HDAC9: variants seen among roughly 807,000 people sequenced by gnomAD.
HDAC9 encodes the protein histone deacetylase 9.
Under a neutral mutation model 139.4 loss-of-function variants are expected in HDAC9, and 41 were observed. The observed-to-expected ratio is 0.29, with a 90% CI of 0.23 to 0.38. The LOEUF (loss-of-function observed/expected upper bound fraction) is 0.38, where lower values mean the gene tolerates loss of function less well. Among genes scored for constraint, HDAC9 ranks in the 10% least tolerant of loss-of-function variants. The pLI is 1.00. For missense variants in HDAC9, 1,147 were observed against 1,297.0 expected, an observed-to-expected ratio of 0.88 and a Z score of 1.78; for synonymous variants, 517 against 476.2, an observed-to-expected ratio of 1.09 and a Z score of -1.12.
intron 6 of HDAC9, among the ~76,000 whole-genome samples, chr7:18,595,565 AGTGAATGGCATTCAAG>A (rs767867692): frequency 5.9e-5 from 9 of 152,092 alleles, no homozygotes; most frequent in Non-Finnish European, 1.0e-4. Context: ...GTCTTAGGGC[AGTGAATGGCATTCAAG>A]AATCTAAGGA....
At chr7:18,165,572 A>G (rs1787946358) in intron 2 of HDAC9, among the ~76,000 whole-genome samples, 1 of 152,092 alleles carries the variant, frequency 6.6e-6, no homozygotes, top group Non-Finnish European at 1.5e-5. Flanking sequence ...AGATTGCTTG[A>G]GCCCCGGGGT....
At chr7:18,328,747 G>A (rs984207449) in intron 1 of HDAC9, among the ~76,000 whole-genome samples, 2 of 151,838 alleles carry the variant, frequency 1.3e-5, no homozygotes, top group Non-Finnish European at 2.9e-5. Flanking sequence ...AGGAATATTG[G>A]CCTGTAGTTT....
intron 22 of HDAC9, among the ~76,000 whole-genome samples, chr7:18,908,668 A>T (rs78748367): frequency 0.049 from 7,379 of 151,948 alleles, 257 homozygotes; most frequent in South Asian, 0.13. Context: ...TGCCTGCATT[A>T]TTTTACTTAA....
intron 21 of HDAC9, among the ~76,000 whole-genome samples, chr7:18,860,291 T>C (rs902214086): frequency 6.6e-6 from 1 of 152,028 alleles, no homozygotes; most frequent in Non-Finnish European, 1.5e-5. Context: ...GAAAAAAAAA[T>C]CAGCCTTTCC....
At chr7:18,983,097 T>A (rs1350709098) in intron 25 of HDAC9, among the ~76,000 whole-genome samples, 1 of 152,176 alleles carries the variant, frequency 6.6e-6, no homozygotes, top group Non-Finnish European at 1.5e-5. Context: ...GACCAGCTCC[T>A]TCATCTTCCC....
At chr7:18,157,992 T>C (rs1423650045) in intron 1 of HDAC9, among the ~76,000 whole-genome samples, 1 of 152,140 alleles carries the variant, frequency 6.6e-6, no homozygotes, top group Non-Finnish European at 1.5e-5. Flanking sequence ...AATGTCTCAA[T>C]TTGAGAAGAG....
chr7:18,987,578 T>G (rs1028739143), intron 25 of HDAC9, among the ~76,000 whole-genome samples: 2 of 152,248 alleles, frequency 1.3e-5, no homozygotes, highest in Non-Finnish European at 2.9e-5. Context: ...GATGCTGGCC[T>G]CATAAAATGA....
chr7:18,374,444 C>G (rs937429414), intron 1 of HDAC9, among the ~76,000 whole-genome samples: 1 of 151,908 alleles, frequency 6.6e-6, no homozygotes, highest in Non-Finnish European at 1.5e-5. Context: ...CACACCTAGG[C>G]TATATGGTAT....
At chr7:18,376,866 T>C (rs1357849593) in intron 1 of HDAC9, among the ~76,000 whole-genome samples, 1 of 152,222 alleles carries the variant, frequency 6.6e-6, no homozygotes, top group Non-Finnish European at 1.5e-5. Flanking sequence ...CCATCCAGTT[T>C]ATGGTATTTT....
intron 1 of HDAC9, among the ~76,000 whole-genome samples, chr7:18,139,121 C>CTTTTTTTT (rs552350047): frequency 9.4e-6 from 1 of 105,916 alleles, no homozygotes; most frequent in Non-Finnish European, 1.9e-5. Flanking sequence ...ATAATCTGGA[C>CTTTTTTTT]TTTTTTTTTT....
intron 16 of HDAC9, among the ~76,000 whole-genome samples, chr7:18,792,295 T>C (rs1407228064): frequency 6.6e-6 from 1 of 151,516 alleles, no homozygotes; most frequent in Non-Finnish European, 1.5e-5. Flanking sequence ...CTTTGTTTTA[T>C]GCAGAATTTC....
chr7:18,832,459 G>C (rs905481320), intron 19 of HDAC9, among the ~76,000 whole-genome samples: 1 of 152,252 alleles, frequency 6.6e-6, no homozygotes, highest in East Asian at 1.9e-4. Flanking sequence ...TCCTTGTACA[G>C]CATCAATGTT....
At position 19,000,553 on chromosome 7, in the gene HDAC9, G is replaced by A. The variant is rs1278058421; in HGVS notation, c.*4491G>A. ...ATGATATTCCTGGCTTCGTATAATGGTTTTGTAAAATACATTAAATACAAT... is the reference window on the plus strand; with the variant it reads ...ATGATATTCCTGGCTTCGTATAATGATTTTGTAAAATACATTAAATACAAT... On this transcript the variant is annotated 3_prime_UTR_variant, in exon 26 of 26. Coordinates refer to ENST00000686413, the MANE Select transcript of HDAC9 (RefSeq NM_178425.4). 6.6e-6 allele frequency: 1 copy of A among 152,124 alleles called. No homozygotes were observed. Among genetic ancestry groups the A allele is most frequent in the African/African-American group, 2.4e-5 (1 of 41,418 alleles). The allele number at this position is 152,124 out of a possible 1,614,324, so 9.4% of individuals were successfully genotyped here. A position where few individuals can be genotyped will look rare whatever the true frequency, so the allele number is the denominator to read the frequency against.
rs1387118483 is a variant in HDAC9 at position 18,642,008 on chromosome 7, A to G, written c.913-2663A>G. On this transcript the variant is annotated intron_variant, in intron 8 of 25. Coordinates refer to ENST00000686413, the MANE Select transcript of HDAC9 (RefSeq NM_178425.4). The stretch of plus-strand genomic sequence containing the variant: ...AGGGAAATGGTTTTTCATTTCTCTG[A>G]AGTCATCCTAGACCTTGAAAGTCTA... 2.6e-5 allele frequency among the ~76,000 whole-genome samples: 4 copies of G among 152,232 alleles called. No homozygotes were observed. The South Asian group carries it at 8.3e-4, about 32-fold the overall frequency.
chr7:18,245,058 T>C (rs562366254), intron 2 of HDAC9, among the ~76,000 whole-genome samples: 2 of 124,702 alleles, frequency 1.6e-5, no homozygotes, highest in Middle Eastern at 8.8e-3. Flanking sequence ...TTCTAGAAAA[T>C]GGAGGAGGGA....
intron 2 of HDAC9, among the ~76,000 whole-genome samples, chr7:18,211,128 T>C (rs1562752979): frequency 6.6e-6 from 1 of 152,232 alleles, no homozygotes; most frequent in Non-Finnish European, 1.5e-5. Flanking sequence ...ATGTCAGTTT[T>C]GGATTAGTGA....
chr7:18,640,322 C>G (rs1345609457), intron 8 of HDAC9, among the ~76,000 whole-genome samples: 1 of 127,948 alleles, frequency 7.8e-6, no homozygotes, highest in East Asian at 2.3e-4. Flanking sequence ...CGCACCACTG[C>G]ACTGCAGCCT....
At chr7:18,830,541 C>G (rs1404180998) in intron 19 of HDAC9, among the ~76,000 whole-genome samples, 1 of 152,118 alleles carries the variant, frequency 6.6e-6, no homozygotes, top group African/African-American at 2.4e-5. Flanking sequence ...CCTCGCCCTC[C>G]AGCCTTCGAA....
At chr7:18,461,683 T>C (rs970556170) in intron 1 of HDAC9, among the ~76,000 whole-genome samples, 3 of 152,182 alleles carry the variant, frequency 2.0e-5, no homozygotes, top group Non-Finnish European at 4.4e-5. Context: ...ACTTTTGTCA[T>C]TGCCTACCTT....
Sources: allele counts gnomAD v4.1 joint callset (sites outside exome capture counted in the v4.1 genomes callset), GRCh38; gene constraint gnomAD v4.1.1; transcripts MANE v1.5; gene names NCBI Gene and HGNC (gene_info 2026-07-23, HGNC 2026-07-21).